The following CORO2B variants were observed in gnomAD, a reference collection of about 807,000 sequenced individuals.
The protein encoded by CORO2B is coronin-2B.
Under a neutral mutation model 58.8 loss-of-function variants are expected in CORO2B, and 26 were observed. That is an observed-to-expected ratio of 0.44 (90% CI 0.32 to 0.61). The LOEUF (loss-of-function observed/expected upper bound fraction) is 0.61, where lower values mean the gene tolerates loss of function less well. Ranked by LOEUF, CORO2B falls within the 20% of genes least tolerant of loss-of-function variation. The pLI, the probability that CORO2B is intolerant of heterozygous loss-of-function variation, is 0.04. For synonymous variants in CORO2B, 242 were observed against 253.8 expected (o/e 0.95, Z 0.44); for missense variants, 460 against 645.1 (o/e 0.71, Z 3.11).
intron 1 of CORO2B, among the ~76,000 whole-genome samples, chr15:68,587,150 G>A (rs942796026): frequency 1.3e-5 from 2 of 151,492 alleles, no homozygotes; most frequent in Non-Finnish European, 1.5e-5. Flanking sequence ...TACTCAGGAG[G>A]CTGAGGCAGG....
chr15:68,627,108 C>T (rs182821764), intron 1 of CORO2B, among the ~76,000 whole-genome samples: 2 of 152,332 alleles, frequency 1.3e-5, no homozygotes, highest in Admixed American at 1.3e-4. Flanking sequence ...ATGTCAGATT[C>T]ATGAGGATAA....
chr15:68,704,413 G>A (rs1892734429), intron 3 of CORO2B, among the ~76,000 whole-genome samples: 1 of 152,000 alleles, frequency 6.6e-6, no homozygotes, highest in Non-Finnish European at 1.5e-5. Flanking sequence ...TCTGCTGTAT[G>A]GGTATAATTA....
At chr15:68,607,123 A>T (rs1382956703) in intron 1 of CORO2B, among the ~76,000 whole-genome samples, 2 of 152,214 alleles carry the variant, frequency 1.3e-5, no homozygotes, top group African/African-American at 4.8e-5. Flanking sequence ...TTTGTGGGCC[A>T]GGCACAGAGG....
chr15:68,569,384 GC>G, the CORO2B span, among the ~76,000 whole-genome samples: 1 of 152,156 alleles, frequency 6.6e-6, no homozygotes, highest in African/African-American at 2.4e-5. Context: ...TTGGAATCAT[GC>G]AGTCTGTAGC....
intron 1 of CORO2B, among the ~76,000 whole-genome samples, chr15:68,619,132 A>G (rs968647631): frequency 1.3e-5 from 2 of 152,188 alleles, no homozygotes; most frequent in African/African-American, 4.8e-5. Context: ...TACTGATAGG[A>G]ATGAAAGGAG....
At chr15:68,579,430 TCA>T (rs1464402818) in intron 1 of CORO2B, among the ~76,000 whole-genome samples, 153 bp downstream of exon 1, 2 of 151,082 alleles carry the variant, frequency 1.3e-5, no homozygotes, top group South Asian at 4.2e-4. Flanking sequence ...TCCGCTCGAG[TCA>T]CTCCGGCCCC....
At chr15:68,576,472 C>T (rs566044489), upstream of CORO2B, among the ~76,000 whole-genome samples, 3 of 152,262 alleles carry the variant, frequency 2.0e-5, no homozygotes, top group East Asian at 3.9e-4. Context: ...ACAACAACGG[C>T]GGATGGCGGG....
chr15:68,574,798 C>T (rs1039076695), upstream of CORO2B, among the ~76,000 whole-genome samples: 2 of 152,150 alleles, frequency 1.3e-5, no homozygotes, highest in African/African-American at 4.8e-5. Context: ...ATGGATACAG[C>T]GCCAGGAGAG....
chr15:68,708,583 C>T (rs931893948), intron 3 of CORO2B, among the ~76,000 whole-genome samples: 2 of 151,782 alleles, frequency 1.3e-5, no homozygotes, highest in Admixed American at 6.6e-5. Flanking sequence ...AGGATGGTCT[C>T]GATCTCCTGA....
At chr15:68,587,910 G>A (rs547108894) in intron 1 of CORO2B, among the ~76,000 whole-genome samples, 2 of 152,164 alleles carry the variant, frequency 1.3e-5, no homozygotes, top group Non-Finnish European at 2.9e-5. Flanking sequence ...GAAATATGTG[G>A]TCCAGAGCAT....
At chr15:68,688,541 T>TA (rs1226222012) in intron 2 of CORO2B, among the ~76,000 whole-genome samples, 1 of 152,198 alleles carries the variant, frequency 6.6e-6, no homozygotes, top group African/African-American at 2.4e-5. Context: ...AAATCTGAAA[T>TA]ACTTCTGGTC....
At chr15:68,618,345 T>C (rs573566351) in intron 1 of CORO2B, among the ~76,000 whole-genome samples, 1 of 152,248 alleles carries the variant, frequency 6.6e-6, no homozygotes, top group Non-Finnish European at 1.5e-5. Flanking sequence ...CATGTTGTAT[T>C]ACATGTAAAT....
In CORO2B at chr15:68,632,229, C is replaced by T. The variant is rs77444805; in HGVS notation, c.16-12931C>T. The T allele has an allele frequency of 2.3e-4, 222 of 985,514 alleles. 2 individuals are homozygous for T. In the East Asian group the frequency reaches 0.015, roughly 66 times the overall value. 61.0% of individuals were successfully genotyped at this position (985,514 alleles called of 1,614,324 possible). A position where few individuals can be genotyped will look rare whatever the true frequency, so the allele number is the denominator to read the frequency against. On this transcript the variant is annotated intron_variant, in intron 1 of 11. Coordinates refer to ENST00000261861, the MANE Select transcript of CORO2B (RefSeq NM_006091.5). Reference sequence around the variant, plus strand: ...TATTCATCCACACGGCCCATCTGTGCAGGGTACAGCCTTCATGGTCTTAGC... The same window carrying T: ...TATTCATCCACACGGCCCATCTGTGTAGGGTACAGCCTTCATGGTCTTAGC...
intron 2 of CORO2B, among the ~76,000 whole-genome samples, chr15:68,660,459 G>A (rs935121774): frequency 3.9e-5 from 6 of 152,046 alleles, no homozygotes; most frequent in African/African-American, 1.2e-4. Context: ...TAGCCTCAAC[G>A]TCCTGGGCTC....
chr15:68,648,711 CA>C (rs1349833921), intron 2 of CORO2B, among the ~76,000 whole-genome samples: 7 of 152,124 alleles, frequency 4.6e-5, no homozygotes, highest in African/African-American at 7.2e-5. Flanking sequence ...TATGAATAAG[CA>C]ATTCACAGAA....
At chr15:68,667,357 A>G (rs1902226626) in intron 2 of CORO2B, among the ~76,000 whole-genome samples, 2 of 152,140 alleles carry the variant, frequency 1.3e-5, no homozygotes, top group South Asian at 4.2e-4. Flanking sequence ...GCTTCCTGCC[A>G]TGTCCTTGCC....
chr15:68,681,090 GT>G (rs897367411), intron 2 of CORO2B, among the ~76,000 whole-genome samples: 2 of 151,998 alleles, frequency 1.3e-5, no homozygotes, highest in African/African-American at 4.8e-5. Flanking sequence ...GCAGGTGCCT[GT>G]AATCCCAGCT....
intron 3 of CORO2B, among the ~76,000 whole-genome samples, chr15:68,702,821 C>CTTTTTTTTTTTTTTTT (rs113249272): frequency 8.3e-5 from 8 of 96,256 alleles, no homozygotes; most frequent in Admixed American, 1.2e-4. Context: ...TTTTCTTTTT[C>CTTTTTTTTTTTTTTTT]TTTTTTTTTT....
the CORO2B span, among the ~76,000 whole-genome samples, chr15:68,532,693 ATTAAAC>A: frequency 6.6e-6 from 1 of 152,186 alleles, no homozygotes; most frequent in Non-Finnish European, 1.5e-5. Flanking sequence ...GTAATTTTTA[ATTAAAC>A]TTTAGCTTAA....
Sources: allele counts gnomAD v4.1 joint callset (sites outside exome capture counted in the v4.1 genomes callset), GRCh38; gene constraint gnomAD v4.1.1; transcripts MANE v1.5; gene names NCBI Gene and HGNC (gene_info 2026-07-23, HGNC 2026-07-21).